Variants in DYM observed in about 807,000 individuals in gnomAD.
The protein encoded by DYM is dymeclin, also known as dyggve-Melchior-Clausen syndrome protein.
Under a neutral mutation model 93.1 loss-of-function variants are expected in DYM, and 78 were observed. The observed-to-expected ratio is 0.84, with a 90% CI of 0.70 to 1.01. The LOEUF is 1.01. DYM is among the 50% of genes least tolerant of loss of function. The pLI is 0.00. For missense variants in DYM, 789 were observed against 845.0 expected, an observed-to-expected ratio of 0.93 and a Z score of 0.82; for synonymous variants, 321 against 319.7, an observed-to-expected ratio of 1.00 and a Z score of -0.04.
rs762474082 is a variant in DYM, at chr18:49,044,148, A to G, written c.2082T>C (p.Phe694=). ...YVEEEQPEEF[F]IPYVWSLVYN... ...AGACAAGAGACCAGACATAGGGGAT[A>G]AAAAACTCCTCGGGCTGCTCCTCTT... The change falls in exon 18 of 18, where the codon TTT becomes TTC. Residue 694 remains phenylalanine (F), a synonymous_variant. Coordinates refer to ENST00000675505, the MANE Select transcript of DYM (RefSeq NM_001353214.3). 3 of 1,614,210 alleles carry G rather than the reference A, an allele frequency of 1.9e-6. No individual in the cohort carries two copies. In the South Asian group the frequency reaches 3.3e-5, roughly 18 times the overall value.
chr18:49,226,424 T>C (rs1205746282), intron 13 of DYM, among the ~76,000 whole-genome samples: 1 of 152,204 alleles, frequency 6.6e-6, no homozygotes, highest in Non-Finnish European at 1.5e-5. Flanking sequence ...ATGCCCAATA[T>C]GGCCATGCAG....
chr18:49,391,285 G>A (rs980704171), intron 3 of DYM: 4 of 329,060 alleles, frequency 1.2e-5, no homozygotes, highest in Admixed American at 1.2e-4. Context: ...GGTGAACATA[G>A]TCAATAACAG....
intron 16 of DYM, among the ~76,000 whole-genome samples, chr18:49,098,196 C>G (rs1325194424): frequency 6.6e-6 from 1 of 152,154 alleles, no homozygotes; most frequent in Admixed American, 6.5e-5. Flanking sequence ...GTTCATAAAT[C>G]AAGAAGACTG....
chr18:49,279,689 G>A (rs1458842960), intron 10 of DYM, among the ~76,000 whole-genome samples: 3 of 152,086 alleles, frequency 2.0e-5, no homozygotes, highest in Admixed American at 6.5e-5. Flanking sequence ...TATTGCCAAC[G>A]TTTCCCTTAG....
chr18:49,232,708 A>C (rs1042347843), intron 13 of DYM, among the ~76,000 whole-genome samples: 1 of 148,140 alleles, frequency 6.8e-6, no homozygotes, highest in African/African-American at 2.5e-5. Flanking sequence ...TCCCGGGTTC[A>C]AGCGATTCTC....
At chr18:49,166,819 A>G (rs1052055147) in intron 14 of DYM, among the ~76,000 whole-genome samples, 12 of 152,132 alleles carry the variant, frequency 7.9e-5, no homozygotes, top group South Asian at 4.1e-4. Context: ...CTACCCAAAC[A>G]AAAAAAGAAA....
At position 49,430,254 on chromosome 18, in the gene DYM, C is replaced by A; in HGVS notation, c.140+1G>T. On this transcript the variant is annotated splice_donor_variant, in intron 2 of 17. Coordinates refer to ENST00000675505, the MANE Select transcript of DYM (RefSeq NM_001353214.3). LOFTEE classifies it high-confidence loss of function. Reference sequence around the variant, plus strand: ...TTTTCAATCTCCAGGCAATCTCTTACCTGCTAGTTGGTGCAGGGAAAGAAA... The same window carrying A: ...TTTTCAATCTCCAGGCAATCTCTTAACTGCTAGTTGGTGCAGGGAAAGAAA... 7 of 1,613,754 alleles carry A rather than the reference C, an allele frequency of 4.3e-6. No individual in the cohort carries two copies. Among genetic ancestry groups the A allele is most frequent in the Non-Finnish European group, 5.9e-6 (7 of 1,179,946 alleles).
At chr18:49,303,773 T>C (rs559429885) in intron 8 of DYM, among the ~76,000 whole-genome samples, 2 of 152,364 alleles carry the variant, frequency 1.3e-5, no homozygotes, top group African/African-American at 4.8e-5. Context: ...GTATCTTTCA[T>C]TTTCATTTTT....
chr18:49,209,413 TAA>T, intron 14 of DYM, 136 bp downstream of exon 14: 1 of 555,588 alleles, frequency 1.8e-6, no homozygotes, highest in Non-Finnish European at 2.5e-6. Flanking sequence ...GCTATTATTT[TAA>T]AAAAATTATT....
chr18:49,223,991 T>A (rs73443812), intron 13 of DYM, among the ~76,000 whole-genome samples: 1 of 151,974 alleles, frequency 6.6e-6, no homozygotes, highest in Non-Finnish European at 1.5e-5. Context: ...TTTGAAATGA[T>A]TGGCTGGTTG....
chr18:49,149,284 C>T (rs928524842), intron 15 of DYM, among the ~76,000 whole-genome samples: 2 of 152,072 alleles, frequency 1.3e-5, no homozygotes, highest in Non-Finnish European at 1.5e-5. Flanking sequence ...CTGTGTGGCT[C>T]AGTTCCAACA....
intron 5 of DYM, among the ~76,000 whole-genome samples, chr18:49,375,957 C>T (rs1243557775): frequency 6.6e-6 from 1 of 152,058 alleles, no homozygotes; most frequent in South Asian, 2.1e-4. Flanking sequence ...GTTTTTGGAC[C>T]CTTGGACTTA....
intron 11 of DYM, among the ~76,000 whole-genome samples, chr18:49,261,211 G>A (rs1005222815): frequency 7.2e-5 from 11 of 152,026 alleles, no homozygotes; most frequent in African/African-American, 2.7e-4. Flanking sequence ...TATACAGGTG[G>A]CTTCCGTACA....
At chr18:49,164,663 G>A (rs568529509) in intron 14 of DYM, among the ~76,000 whole-genome samples, 2 of 152,326 alleles carry the variant, frequency 1.3e-5, no homozygotes, top group African/African-American at 4.8e-5. Flanking sequence ...AAGCTGTAAT[G>A]TGCAGAGCAA....
intron 2 of DYM, among the ~76,000 whole-genome samples, chr18:49,392,513 C>A (rs1334240017): frequency 6.6e-6 from 1 of 151,486 alleles, no homozygotes; most frequent in African/African-American, 2.4e-5. Context: ...CAACAAAAAC[C>A]AAACAACCCA....
chr18:49,176,309 T>G (rs1462673870), intron 14 of DYM, among the ~76,000 whole-genome samples: 4 of 152,194 alleles, frequency 2.6e-5, no homozygotes. Context: ...TATAAGAGAC[T>G]GAAATAAGAG....
At chr18:49,192,082 C>A (rs1405149867) in intron 14 of DYM, among the ~76,000 whole-genome samples, 1 of 149,918 alleles carries the variant, frequency 6.7e-6, no homozygotes, top group Non-Finnish European at 1.5e-5. Flanking sequence ...ATATGTGCCA[C>A]CATGCCTGGC....
At chr18:49,144,815 C>T (rs2084904911) in intron 15 of DYM, among the ~76,000 whole-genome samples, 1 of 151,868 alleles carries the variant, frequency 6.6e-6, no homozygotes, top group Non-Finnish European at 1.5e-5. Flanking sequence ...GGTTCCTGGG[C>T]CAGGCACATC....
At chr18:49,362,643 C>T (rs1440754054) in intron 6 of DYM, among the ~76,000 whole-genome samples, 2 of 152,174 alleles carry the variant, frequency 1.3e-5, no homozygotes, top group African/African-American at 4.8e-5. Flanking sequence ...AAAGATGTGC[C>T]TCCTAGCTGA....
Sources: allele counts gnomAD v4.1 joint callset (sites outside exome capture counted in the v4.1 genomes callset), GRCh38; gene constraint gnomAD v4.1.1; transcripts MANE v1.5; gene names NCBI Gene and HGNC (gene_info 2026-07-23, HGNC 2026-07-21).